The following SLC36A4 variants were observed in gnomAD, a reference collection of about 807,000 sequenced individuals.
SLC36A4 encodes the protein solute carrier family 36 member 4.
SLC36A4 carries 49 observed loss-of-function variants against 50.5 expected under a neutral mutation model. That is an observed-to-expected ratio of 0.97 (90% CI 0.77 to 1.23). SLC36A4 has a LOEUF of 1.23. Ranked by LOEUF, SLC36A4 falls within the 50% of genes most tolerant of loss-of-function variation. The pLI is 0.00. For missense variants in SLC36A4, 611 were observed against 608.4 expected, an observed-to-expected ratio of 1.00 and a Z score of -0.05; for synonymous variants, 207 against 206.5, an observed-to-expected ratio of 1.00 and a Z score of -0.02.
At chr11:93,187,678 C>A (rs1012281317) in intron 1 of SLC36A4, among the ~76,000 whole-genome samples, 3 of 152,156 alleles carry the variant, frequency 2.0e-5, no homozygotes, top group African/African-American at 7.2e-5. Context: ...AGAGTGTTCC[C>A]TCTGTCACTA....
In SLC36A4 at chr11:93,185,712, A is replaced by G. The variant is rs1266053991; in HGVS notation, c.158T>C (p.Leu53Pro). The G allele has an allele frequency of 1.3e-6, 2 of 1,594,496 alleles. No individual in the cohort carries two copies. The highest frequency in any genetic ancestry group is 1.2e-5 in the South Asian group (1 of 86,788). Residue 53 changes from leucine to proline, a missense_variant, in exon 2 of 11, where the codon CTT becomes CCT. By Grantham distance (98) the Leu-to-Pro change is moderately conservative. Transcript: ENST00000326402. Reference protein sequence around the residue: ...ELLPVQKHYQLDDQEGISFVQ... With the variant: ...ELLPVQKHYQPDDQEGISFVQ... ...TTACGAAATGCCCTCTTGATCATCA[A>G]GTTGGTAATGCTTCTGAACAGGCAG...
intron 1 of SLC36A4, among the ~76,000 whole-genome samples, chr11:93,187,889 G>T (rs149812533): frequency 1.7e-3 from 254 of 152,230 alleles, no homozygotes; most frequent in Non-Finnish European, 3.2e-3. Flanking sequence ...TTTTGTCAAG[G>T]CTTCCCCCTT....
At chr11:93,163,912 A>T (rs1471668733) in intron 8 of SLC36A4, among the ~76,000 whole-genome samples, 1 of 152,090 alleles carries the variant, frequency 6.6e-6, no homozygotes, top group Non-Finnish European at 1.5e-5. Flanking sequence ...TGTAAATTCC[A>T]TCAGGTTGGC....
intron 3 of SLC36A4, among the ~76,000 whole-genome samples, chr11:93,183,480 TC>T (rs1181395036): frequency 6.6e-6 from 1 of 152,108 alleles, no homozygotes; most frequent in Non-Finnish European, 1.5e-5. Flanking sequence ...GTTTTTATCA[TC>T]TAAATTAGGG....
chr11:93,173,982 A>G (rs1861324090), intron 6 of SLC36A4, among the ~76,000 whole-genome samples: 1 of 147,894 alleles, frequency 6.8e-6, no homozygotes, highest in Non-Finnish European at 1.5e-5. Flanking sequence ...AATTCTGTGA[A>G]GAAAGTCATT....
At chr11:93,192,687 T>C (rs986719031) in intron 1 of SLC36A4, among the ~76,000 whole-genome samples, 1 of 152,182 alleles carries the variant, frequency 6.6e-6, no homozygotes, top group African/African-American at 2.4e-5. Context: ...GTCTTTGAAA[T>C]GCAGCATGTA....
intron 6 of SLC36A4, among the ~76,000 whole-genome samples, chr11:93,169,258 T>A (rs1014232097): frequency 6.6e-6 from 1 of 152,100 alleles, no homozygotes; most frequent in Non-Finnish European, 1.5e-5. Context: ...TTAATCCCAA[T>A]TTATAGTTGA....
intron 10 of SLC36A4, among the ~76,000 whole-genome samples, chr11:93,149,928 C>G (rs1272182187): frequency 7.0e-6 from 1 of 142,000 alleles, no homozygotes; most frequent in Non-Finnish European, 1.6e-5. Flanking sequence ...TAACTACTTT[C>G]TTTTACACCC....
At chr11:93,151,923 T>C (rs1860106482) in intron 10 of SLC36A4, among the ~76,000 whole-genome samples, 1 of 152,038 alleles carries the variant, frequency 6.6e-6, no homozygotes, top group South Asian at 2.1e-4. Flanking sequence ...CTTTGGCTGG[T>C]TTCTACCGTC....
chr11:93,180,832 C>A lies in SLC36A4; in HGVS notation c.505G>T (p.Val169Phe). 6.2e-7 allele frequency: 1 copy of A among 1,612,708 alleles called. No homozygotes were observed. Among genetic ancestry groups the A allele is most frequent in the Non-Finnish European group, 8.5e-7 (1 of 1,179,192 alleles). ...LVITQLGFCSVYIVFLAENVK... is the reference protein window; with the variant it reads ...LVITQLGFCSFYIVFLAENVK... Reference sequence around the variant, plus strand: ...TTTTCAGCTAAGAAGACAATATAAACACTACAGAATCCCAGCTGTGTTATC... The same window carrying A: ...TTTTCAGCTAAGAAGACAATATAAAAACTACAGAATCCCAGCTGTGTTATC... Residue 169 changes from valine (V) to phenylalanine (F), a missense_variant, in exon 6 of 11, where the codon GTT becomes TTT. Physicochemically the swap from Val to Phe is conservative, Grantham distance 50. Transcript: ENST00000326402.
chr11:93,159,062 T>C (rs1860500277), intron 9 of SLC36A4, among the ~76,000 whole-genome samples: 1 of 152,068 alleles, frequency 6.6e-6, no homozygotes, highest in Non-Finnish European at 1.5e-5. Context: ...ATTATCAAAA[T>C]AGATATGGAT....
intron 6 of SLC36A4, among the ~76,000 whole-genome samples, chr11:93,170,955 A>G (rs1861106226): frequency 6.6e-6 from 1 of 152,044 alleles, no homozygotes; most frequent in South Asian, 2.1e-4. Flanking sequence ...TAACAATCCT[A>G]TGGTTTTTAA....
At chr11:93,196,257 G>C (rs10831007) in intron 1 of SLC36A4, among the ~76,000 whole-genome samples, 32,920 of 152,054 alleles carry the variant, frequency 0.22, 4,048 homozygotes, top group East Asian at 0.43. Flanking sequence ...TTGTACTTTA[G>C]TTAACAGCTT....
At chr11:93,189,553 AC>A (rs1862126930) in intron 1 of SLC36A4, among the ~76,000 whole-genome samples, 1 of 152,168 alleles carries the variant, frequency 6.6e-6, no homozygotes, top group Admixed American at 6.5e-5. Flanking sequence ...AATGTACTCC[AC>A]TGCCCTTGCT....
In SLC36A4 at chr11:93,166,340, T is replaced by G. The variant is rs541678207; in HGVS notation, c.769-324A>C. On this transcript the variant is annotated intron_variant, in intron 7 of 10. Coordinates refer to ENST00000326402, the MANE Select transcript of SLC36A4 (RefSeq NM_152313.4). ...CACAACAGGAAATACATAAGCACAC[T>G]CAAGGCCTAAGCTGAGAGCCATATA... 1.9e-3 allele frequency: 1,937 copies of G among 1,043,816 alleles called. 3 individuals carry two copies. The highest frequency in any genetic ancestry group is 2.8e-3 in the Middle Eastern group (6 of 2,138). 64.7% of individuals were successfully genotyped at this position (1,043,816 alleles called of 1,614,324 possible).
rs1012245638 is a variant in SLC36A4 at position 93,145,502 on chromosome 11, C to T, written c.*3035G>A. On this transcript the variant is annotated 3_prime_UTR_variant, in exon 11 of 11. Transcript: ENST00000326402. ...GGAAAAGAAGTCCCTCTGAAAAAAACGTCTGAGAACCAGTGTTTTGACAAG... is the reference window on the plus strand; with the variant it reads ...GGAAAAGAAGTCCCTCTGAAAAAAATGTCTGAGAACCAGTGTTTTGACAAG... The T allele has an allele frequency of 1.3e-5, 2 of 152,078 alleles. No individual in the cohort carries two copies. The highest frequency in any genetic ancestry group is 1.9e-4 in the East Asian group (1 of 5,162). The allele number at this position is 152,078 out of a possible 1,614,324, so 9.4% of individuals were successfully genotyped here.
chr11:93,182,212 T>G, intron 4 of SLC36A4: 1 of 431,712 alleles, frequency 2.3e-6, no homozygotes, highest in Non-Finnish European at 3.1e-6. Flanking sequence ...AATCTTCCCA[T>G]GAGGTAGGTA....
intron 6 of SLC36A4, among the ~76,000 whole-genome samples, chr11:93,174,373 T>C (rs1224838364): frequency 6.6e-6 from 1 of 151,614 alleles, no homozygotes; most frequent in African/African-American, 2.4e-5. Context: ...TTTCTCGATA[T>C]ACAGTCATGT....
Position 93,148,635 on chromosome 11 carries a change from C to T in SLC36A4, c.1417G>A (p.Glu473Lys). 1 of 1,612,644 alleles carries T rather than the reference C, an allele frequency of 6.2e-7. No individual in the cohort carries two copies. Among genetic ancestry groups the T allele is most frequent in the South Asian group, 1.1e-5 (1 of 91,006 alleles). The change falls in exon 11 of 11, where the codon GAA becomes AAA. Residue 473 changes from glutamate to lysine, a missense_variant. Transcript: ENST00000326402. ...TTGGGAGTAGGATAAATAATTTCTTCAACAGTTATATATGTACCTAATAAG... is the reference window on the plus strand; with the variant it reads ...TTGGGAGTAGGATAAATAATTTCTTTAACAGTTATATATGTACCTAATAAG... ...GFLLGTYITV[E>K]EIIYPTPKVV...
Sources: gnomAD v4.1 joint callset for allele counts (sites outside exome capture counted in the v4.1 genomes callset) on GRCh38, gnomAD v4.1.1 for gene constraint, MANE v1.5 for transcripts, NCBI Gene and HGNC (gene_info 2026-07-23, HGNC 2026-07-21) for gene names.